DOCK3: variants seen among roughly 807,000 people sequenced by gnomAD.
The protein encoded by DOCK3 is dedicator of cytokinesis protein 3.
A neutral mutation model predicts 265.6 loss-of-function variants in DOCK3; 60 were observed. The observed-to-expected ratio is 0.23, with a 90% CI of 0.18 to 0.28. DOCK3 has a LOEUF of 0.28. Ranked by LOEUF, DOCK3 falls within the 10% of genes least tolerant of loss-of-function variation. DOCK3 has a pLI of 1.00. For missense variants in DOCK3, 1,981 were observed against 2,594.3 expected (o/e 0.76, Z 5.14); for synonymous variants, 881 against 938.0 (o/e 0.94, Z 1.11).
At position 50,928,152 on chromosome 3, in the gene DOCK3, T is replaced by TA. The variant is rs1209929983; in HGVS notation, c.219-5828dup. On this transcript the variant is annotated intron_variant, in intron 4 of 52. Coordinates refer to ENST00000266037, the MANE Select transcript of DOCK3 (RefSeq NM_004947.5). ...TGATATATATATATATATATATATA[T>TA]ATAATAAAGTTTACCATTTCACCTC... Among the ~76,000 whole-genome samples the TA allele has an allele frequency of 2.3e-5, 3 of 132,698 alleles. No individual in the cohort carries two copies. The East Asian group carries it at 6.9e-4, about 31-fold the overall frequency. 87.1% of individuals were successfully genotyped at this position (132,698 alleles called of 152,430 possible). A position where few individuals can be genotyped will look rare whatever the true frequency, so the allele number is the denominator to read the frequency against.
At chr3:50,784,484 G>A (rs369552526) in intron 2 of DOCK3, among the ~76,000 whole-genome samples, 2 of 152,104 alleles carry the variant, frequency 1.3e-5, no homozygotes, top group Non-Finnish European at 2.9e-5. Flanking sequence ...TCTTGCTTCG[G>A]CTATGTGGGC....
chr3:51,310,649 G>C (rs56870664), intron 28 of DOCK3, among the ~76,000 whole-genome samples: 1 of 152,164 alleles, frequency 6.6e-6, no homozygotes, highest in South Asian at 2.1e-4. Context: ...TTTGAATTGT[G>C]TTGTCTACCA....
chr3:50,762,915 G>GT (rs1286059828), intron 1 of DOCK3, among the ~76,000 whole-genome samples: 7 of 151,648 alleles, frequency 4.6e-5, no homozygotes, highest in African/African-American at 1.2e-4. Flanking sequence ...TTTTTTAAAA[G>GT]TTTTTTTTGA....
chr3:51,063,214 C>CAA (rs34997366), intron 5 of DOCK3, among the ~76,000 whole-genome samples: 358 of 145,272 alleles, frequency 2.5e-3, no homozygotes, highest in Non-Finnish European at 4.1e-3. Context: ...AAGACTCTAT[C>CAA]AAAAAAAAAA....
At position 51,183,114 on chromosome 3, in the gene DOCK3, A is replaced by G. The variant is rs535256249; in HGVS notation, c.1037+22412A>G. On this transcript the variant is annotated intron_variant, in intron 12 of 52. Transcript: ENST00000266037. Reference sequence around the variant, plus strand: ...CCACTTCCTGTGTGGCCCTTTGTATACTTGAAATAAAATGAATTAAAGTAG... The same window carrying G: ...CCACTTCCTGTGTGGCCCTTTGTATGCTTGAAATAAAATGAATTAAAGTAG... 6.6e-5 allele frequency among the ~76,000 whole-genome samples: 10 copies of G among 152,284 alleles called. No individual in the cohort carries two copies. In the South Asian group the frequency reaches 2.1e-3, roughly 32 times the overall value.
intron 2 of DOCK3, among the ~76,000 whole-genome samples, chr3:50,791,085 T>C (rs1461948249): frequency 6.6e-6 from 1 of 152,096 alleles, no homozygotes; most frequent in Admixed American, 6.6e-5. Flanking sequence ...TAGTTTCTTT[T>C]GTTATGCAGA....
intron 1 of DOCK3, among the ~76,000 whole-genome samples, chr3:50,726,954 TAG>T (rs1471560434): frequency 1.3e-5 from 2 of 152,162 alleles, no homozygotes; most frequent in Non-Finnish European, 2.9e-5. Context: ...TTGAACTTAC[TAG>T]AGAGAGGTTT....
intron 9 of DOCK3, among the ~76,000 whole-genome samples, chr3:51,119,477 A>C (rs180906832): frequency 6.6e-6 from 1 of 151,824 alleles, no homozygotes; most frequent in Non-Finnish European, 1.5e-5. Context: ...ATCTTTGTGG[A>C]GTTCTCTGTA....
chr3:50,776,431 AT>A (rs1051507249), intron 1 of DOCK3, among the ~76,000 whole-genome samples: 6 of 142,380 alleles, frequency 4.2e-5, no homozygotes, highest in East Asian at 2.1e-4. Context: ...TTTTTATGTG[AT>A]TTTTTTTTTC....
At chr3:51,371,577 A>G (rs2087681866) in intron 49 of DOCK3, among the ~76,000 whole-genome samples, 2 of 152,370 alleles carry the variant, frequency 1.3e-5, no homozygotes, top group African/African-American at 4.8e-5. Context: ...CACTCTGGGC[A>G]AAGAAGGGAG....
intron 1 of DOCK3, among the ~76,000 whole-genome samples, chr3:50,729,149 ATCTCTAC>A (rs1184453358): frequency 6.8e-6 from 1 of 147,798 alleles, no homozygotes; most frequent in Non-Finnish European, 1.5e-5. Context: ...GGCAAAACCC[ATCTCTAC>A]AAAAAAATAC....
chr3:50,810,474 C>T (rs1466879421), intron 2 of DOCK3, among the ~76,000 whole-genome samples: 1 of 152,044 alleles, frequency 6.6e-6, no homozygotes, highest in African/African-American at 2.4e-5. Flanking sequence ...TCACTTAAAA[C>T]CTGGGTTGCA....
At chr3:50,834,872 A>C (rs1012873541) in intron 2 of DOCK3, among the ~76,000 whole-genome samples, 1 of 152,208 alleles carries the variant, frequency 6.6e-6, no homozygotes, top group Admixed American at 6.5e-5. Flanking sequence ...TAAATGTAAC[A>C]TGAAAATCTT....
chr3:51,092,972 A>G (rs189678116), intron 9 of DOCK3, among the ~76,000 whole-genome samples: 2 of 152,332 alleles, frequency 1.3e-5, no homozygotes, highest in East Asian at 3.9e-4. Context: ...TAAGTTTGTC[A>G]AAGATCAAAT....
intron 7 of DOCK3, among the ~76,000 whole-genome samples, chr3:51,088,447 G>A (rs1230630260): frequency 1.3e-5 from 2 of 152,140 alleles, no homozygotes; most frequent in African/African-American, 2.4e-5. Flanking sequence ...AATGATAAAT[G>A]TTTGAGGCAA....
chr3:51,014,746 A>G (rs753451018), intron 5 of DOCK3, among the ~76,000 whole-genome samples: 13 of 152,064 alleles, frequency 8.5e-5, no homozygotes, highest in East Asian at 1.9e-4. Context: ...TTTGGGTAGT[A>G]TGGACGTTTT....
At position 50,897,544 on chromosome 3, in the gene DOCK3, AT is replaced by A. The variant is rs57131599; in HGVS notation, c.218+7464del. ...TTAAATAGGCATGGTGAGAGAGGGC[AT>A]CCTTGTCTTGTGCCAGTTTTCAAAA... On this transcript the variant is annotated intron_variant, in intron 4 of 52. Coordinates refer to ENST00000266037, the MANE Select transcript of DOCK3 (RefSeq NM_004947.5). Among the ~76,000 whole-genome samples, 486 of 152,322 alleles carry A rather than the reference AT, an allele frequency of 3.2e-3. 6 individuals carry two copies. The highest frequency in any genetic ancestry group is 0.011 in the African/African-American group (444 of 41,566).
chr3:51,253,014 C>T (rs868351999), intron 22 of DOCK3, among the ~76,000 whole-genome samples: 2 of 152,022 alleles, frequency 1.3e-5, no homozygotes, highest in Non-Finnish European at 2.9e-5. Context: ...ATAAGTAGCT[C>T]GTATTATTTT....
intron 9 of DOCK3, among the ~76,000 whole-genome samples, chr3:51,104,290 A>C (rs2083193009): frequency 6.6e-6 from 1 of 152,232 alleles, no homozygotes; most frequent in South Asian, 2.1e-4. Context: ...GAAGTCAGAG[A>C]AACAAATGTC....
Sources: allele counts gnomAD v4.1 joint callset (sites outside exome capture counted in the v4.1 genomes callset), GRCh38; gene constraint gnomAD v4.1.1; transcripts MANE v1.5; gene names NCBI Gene and HGNC (gene_info 2026-07-23, HGNC 2026-07-21).